The following MNAT1 variants were observed in gnomAD, a reference collection of about 807,000 sequenced individuals.
MNAT1 encodes the protein MNAT1 component of CDK activating kinase.
Under a neutral mutation model 42.0 loss-of-function variants are expected in MNAT1, and 43 were observed. The observed-to-expected ratio is 1.02, with a 90% CI of 0.80 to 1.32. The LOEUF (loss-of-function observed/expected upper bound fraction) is 1.32. Ranked by LOEUF, MNAT1 falls within the 40% of genes most tolerant of loss-of-function variation. The probability of loss-of-function intolerance (pLI) is 0.00; values close to 1 mark genes in which losing one functional copy is unlikely to be tolerated. For synonymous variants in MNAT1, 118 were observed against 120.0 expected, an observed-to-expected ratio of 0.98 and a Z score of 0.11; for missense variants, 306 against 350.4, an observed-to-expected ratio of 0.87 and a Z score of 1.01.
chr14:60,827,930 C>A (rs1370643028), intron 6 of MNAT1, among the ~76,000 whole-genome samples: 1 of 151,986 alleles, frequency 6.6e-6, no homozygotes, highest in Admixed American at 6.6e-5. Context: ...TGAAGAGTTA[C>A]ATGTAAGTAA....
chr14:60,746,157 T>G (rs1367083046), intron 1 of MNAT1, among the ~76,000 whole-genome samples: 1 of 152,206 alleles, frequency 6.6e-6, no homozygotes. Context: ...GTTTGTTCAC[T>G]TGTTTATAAT....
At chr14:60,783,682 G>C (rs2031542879) in intron 1 of MNAT1, among the ~76,000 whole-genome samples, 1 of 151,788 alleles carries the variant, frequency 6.6e-6, no homozygotes, top group Admixed American at 6.6e-5. Flanking sequence ...ATTTTCAGTA[G>C]AGACAGGGTT....
chr14:60,866,855 A>G (rs1291061021), intron 6 of MNAT1, among the ~76,000 whole-genome samples: 1 of 152,030 alleles, frequency 6.6e-6, no homozygotes, highest in Non-Finnish European at 1.5e-5. Context: ...CCTTTTCAAA[A>G]TTGGTTACTT....
chr14:60,746,425 G>A (rs1896617106), intron 1 of MNAT1, among the ~76,000 whole-genome samples: 1 of 151,422 alleles, frequency 6.6e-6, no homozygotes, highest in Non-Finnish European at 1.5e-5. Flanking sequence ...TGAGGCAGGA[G>A]AATCACTTGA....
intron 1 of MNAT1, among the ~76,000 whole-genome samples, chr14:60,768,599 T>C (rs1488415784): frequency 1.3e-5 from 2 of 152,364 alleles, no homozygotes; most frequent in Admixed American, 6.5e-5. Context: ...CTACTACTTA[T>C]ACAGAAATGT....
intron 1 of MNAT1, among the ~76,000 whole-genome samples, chr14:60,771,465 A>G (rs1350763342): frequency 6.6e-6 from 1 of 152,122 alleles, no homozygotes; most frequent in Non-Finnish European, 1.5e-5. Context: ...CTTTGTCCCT[A>G]TAGTCTGCTT....
At chr14:60,860,354 C>CTTTTTTTT (rs11409940) in intron 6 of MNAT1, among the ~76,000 whole-genome samples, 2 of 128,674 alleles carry the variant, frequency 1.6e-5, no homozygotes, top group African/African-American at 2.9e-5. Flanking sequence ...TTTTTCTTTT[C>CTTTTTTTT]TTTTTTTTTT....
chr14:60,793,007 A>G (rs960291210), intron 1 of MNAT1, among the ~76,000 whole-genome samples: 1 of 149,632 alleles, frequency 6.7e-6, no homozygotes, highest in Non-Finnish European at 1.5e-5. Context: ...ATCAACTACT[A>G]CTTCTTCTTC....
rs374509056 is a variant in MNAT1, at chr14:60,855,541, C to CT, written c.688-24171dup. 4.8e-3 allele frequency among the ~76,000 whole-genome samples: 736 copies of CT among 152,250 alleles called. 4 individuals are homozygous for CT. The highest frequency in any genetic ancestry group is 0.017 in the African/African-American group (687 of 41,552). Reference sequence around the variant, plus strand: ...GATAGCACAGTCTCTCACAGCTTCCCTTGGCTGCGGGAGGGAGGTCCCCCA... The same window carrying CT: ...GATAGCACAGTCTCTCACAGCTTCCCTTTGGCTGCGGGAGGGAGGTCCCCCA... On this transcript the variant is annotated intron_variant, in intron 6 of 7. Transcript: ENST00000261245.
chr14:60,798,148 GT>G lies in MNAT1; in HGVS notation c.305del (p.Val102GlyfsTer8), dbSNP rs777049992. On this transcript the variant is annotated frameshift_variant, in exon 3 of 8. Transcript: ENST00000261245. LOFTEE classifies it high-confidence loss of function. ...LREYNDFLEE[V>X]EEIVFNLTNN... ...AGAATACAATGATTTCTTGGAAGAA[GT>G]GGAAGAAATTGGTACGTTTTTAATT... 6.6e-7 allele frequency: 1 copy of G among 1,510,192 alleles called. No homozygotes were observed. 93.5% of individuals were successfully genotyped at this position (1,510,192 alleles called of 1,614,324 possible). A position where few individuals can be genotyped will look rare whatever the true frequency, so the allele number is the denominator to read the frequency against.
intron 7 of MNAT1, among the ~76,000 whole-genome samples, chr14:60,906,546 A>G (rs1028840583): frequency 1.3e-5 from 2 of 152,186 alleles, no homozygotes; most frequent in African/African-American, 4.8e-5. Flanking sequence ...TTTTGATAGC[A>G]GGGGCAAAAT....
intron 6 of MNAT1, among the ~76,000 whole-genome samples, chr14:60,869,693 A>G (rs2034286604): frequency 6.6e-6 from 1 of 152,222 alleles, no homozygotes; most frequent in Non-Finnish European, 1.5e-5. Context: ...GGTACTTAAC[A>G]GAAAACCATA....
At chr14:60,832,983 ATTG>A (rs1477455194) in intron 6 of MNAT1, among the ~76,000 whole-genome samples, 3 of 151,682 alleles carry the variant, frequency 2.0e-5, no homozygotes, top group Admixed American at 6.6e-5. Flanking sequence ...CTGCTTGTCT[ATTG>A]TTGTTGTATA....
intron 7 of MNAT1, among the ~76,000 whole-genome samples, chr14:60,966,347 T>C (rs900940450): frequency 3.3e-5 from 5 of 152,072 alleles, no homozygotes; most frequent in Non-Finnish European, 4.4e-5. Flanking sequence ...CTGAAACTCC[T>C]GTCCTCAGGT....
chr14:60,772,579 G>A lies in MNAT1; in HGVS notation c.90-23638G>A, dbSNP rs1278358987. ...CCATTGCACACCAGCCTGGACAAGAGTGAAACTCCCCATTTCAAAAAAAAA... is the reference window on the plus strand; with the variant it reads ...CCATTGCACACCAGCCTGGACAAGAATGAAACTCCCCATTTCAAAAAAAAA... On this transcript the variant is annotated intron_variant, in intron 1 of 7. Transcript: ENST00000261245. Among the ~76,000 whole-genome samples, 10 of 147,994 alleles carry A rather than the reference G, an allele frequency of 6.8e-5. No individual in the cohort carries two copies. The Admixed American group carries it at 6.8e-4, about 10-fold the overall frequency.
intron 7 of MNAT1, among the ~76,000 whole-genome samples, chr14:60,966,940 A>G (rs2036693213): frequency 6.6e-6 from 1 of 152,032 alleles, no homozygotes; most frequent in Non-Finnish European, 1.5e-5. Context: ...ATTCTACATA[A>G]AACATATCTG....
intron 1 of MNAT1, among the ~76,000 whole-genome samples, chr14:60,757,036 C>G (rs1391799818): frequency 6.6e-6 from 1 of 152,096 alleles, no homozygotes; most frequent in Non-Finnish European, 1.5e-5. Context: ...GTGACTGGCT[C>G]TCACATTTCA....
intron 3 of MNAT1, among the ~76,000 whole-genome samples, chr14:60,799,881 A>G (rs537197492): frequency 6.6e-6 from 1 of 152,244 alleles, no homozygotes; most frequent in South Asian, 2.1e-4. Context: ...TTACCAAAAT[A>G]TAGAAGCTGT....
At chr14:60,854,175 T>C (rs2033898492) in intron 6 of MNAT1, among the ~76,000 whole-genome samples, 1 of 152,206 alleles carries the variant, frequency 6.6e-6, no homozygotes, top group Admixed American at 6.5e-5. Context: ...CTCTCTAAAC[T>C]GGGTATTCTA....
Sources: allele counts gnomAD v4.1 joint callset (sites outside exome capture counted in the v4.1 genomes callset), GRCh38; gene constraint gnomAD v4.1.1; transcripts MANE v1.5; gene names NCBI Gene and HGNC (gene_info 2026-07-23, HGNC 2026-07-21).